The following HPSE2 variants were observed in gnomAD, a reference collection of about 807,000 sequenced individuals.
The protein encoded by HPSE2 is inactive heparanase-2.
HPSE2 carries 38 observed loss-of-function variants against 60.5 expected under a neutral mutation model. That is an observed-to-expected ratio of 0.63 (90% CI 0.48 to 0.82). HPSE2 has a LOEUF of 0.82. Among genes scored for constraint, HPSE2 ranks in the 40% least tolerant of loss-of-function variants. HPSE2 has a pLI of 0.00. For missense variants in HPSE2, 713 were observed against 740.4 expected (o/e 0.96, Z 0.43); for synonymous variants, 295 against 293.2 (o/e 1.01, Z -0.06).
intron 3 of HPSE2, among the ~76,000 whole-genome samples, chr10:98,894,217 A>T (rs1460164464): frequency 6.6e-6 from 1 of 152,210 alleles, no homozygotes; most frequent in Non-Finnish European, 1.5e-5. Flanking sequence ...TGAAAAAATC[A>T]TCTCCAAATA....
At chr10:98,982,745 T>C (rs1274400766) in intron 3 of HPSE2, among the ~76,000 whole-genome samples, 1 of 152,186 alleles carries the variant, frequency 6.6e-6, no homozygotes, top group Non-Finnish European at 1.5e-5. Flanking sequence ...GTGCTTACTG[T>C]ACTAATCTAT....
In HPSE2 at chr10:98,991,768, A is replaced by AC. The variant is rs1164008407; in HGVS notation, c.610+152469_610+152470insG. On this transcript the variant is annotated intron_variant, in intron 3 of 11. Coordinates refer to ENST00000370552, the MANE Select transcript of HPSE2 (RefSeq NM_021828.5). ...GGAGAATGCGTGGTGGACAAAAAAA[A>AC]ACAGTAAGATTGGTGGGCATCACCA... 1.2e-4 allele frequency among the ~76,000 whole-genome samples: 19 copies of AC among 152,302 alleles called. 1 individual carries two copies. The South Asian group carries it at 3.9e-3, about 32-fold the overall frequency.
At chr10:98,472,874 C>T (rs1215645811) in intron 11 of HPSE2, among the ~76,000 whole-genome samples, 9 of 152,100 alleles carry the variant, frequency 5.9e-5, no homozygotes. Flanking sequence ...TATTTCAATA[C>T]ATAGATAGCA....
rs1941960392 is a variant in HPSE2 at position 98,499,500 on chromosome 10, G to A, written c.1321-9304C>T. On this transcript the variant is annotated intron_variant, in intron 9 of 11. Coordinates refer to ENST00000370552, the MANE Select transcript of HPSE2 (RefSeq NM_021828.5). The stretch of plus-strand genomic sequence containing the variant: ...CCACCACTACAAGAACTGCTAAAAG[G>A]AGCTCTGAACTTTGAAACAAATCCT... Among the ~76,000 whole-genome samples, 6 of 152,228 alleles carry A rather than the reference G, an allele frequency of 3.9e-5. No individual in the cohort carries two copies. In the South Asian group the frequency reaches 1.2e-3, roughly 32 times the overall value.
intron 3 of HPSE2, among the ~76,000 whole-genome samples, chr10:99,089,511 A>T (rs1247657088): frequency 6.6e-6 from 1 of 152,072 alleles, no homozygotes; most frequent in African/African-American, 2.4e-5. Flanking sequence ...TGGGTTCTCT[A>T]TTCTGTTCCA....
At chr10:99,105,936 CAA>C (rs1844231480) in intron 3 of HPSE2, among the ~76,000 whole-genome samples, 1 of 152,084 alleles carries the variant, frequency 6.6e-6, no homozygotes, top group African/African-American at 2.4e-5. Flanking sequence ...GCGATTATTG[CAA>C]ACTCTTAATT....
At chr10:99,061,279 C>A (rs961494885) in intron 3 of HPSE2, among the ~76,000 whole-genome samples, 1 of 152,114 alleles carries the variant, frequency 6.6e-6, no homozygotes, top group Non-Finnish European at 1.5e-5. Context: ...TCCCAGATGA[C>A]CCAGTATGCA....
intron 3 of HPSE2, among the ~76,000 whole-genome samples, chr10:99,136,475 G>T (rs773929468): frequency 6.6e-6 from 1 of 152,066 alleles, no homozygotes; most frequent in Non-Finnish European, 1.5e-5. Context: ...GATGAACATC[G>T]ATGCGAAAAT....
intron 9 of HPSE2, among the ~76,000 whole-genome samples, chr10:98,581,520 C>T (rs1346598929): frequency 6.6e-6 from 1 of 151,988 alleles, no homozygotes; most frequent in African/African-American, 2.4e-5. Context: ...TATTAGTTAA[C>T]ATATTTGAAT....
At chr10:98,648,243 G>A (rs556987641) in intron 6 of HPSE2, among the ~76,000 whole-genome samples, 1 of 152,258 alleles carries the variant, frequency 6.6e-6, no homozygotes, top group African/African-American at 2.4e-5. Context: ...TGTGGGCAGA[G>A]GCTCAAATCA....
chr10:99,296,159 T>C, the HPSE2 span, among the ~76,000 whole-genome samples: 1 of 152,210 alleles, frequency 6.6e-6, no homozygotes. Context: ...TTCTATTAAA[T>C]ACAGGCCTCT....
chr10:98,633,856 C>G (rs1013675454), intron 7 of HPSE2, among the ~76,000 whole-genome samples: 1 of 152,136 alleles, frequency 6.6e-6, no homozygotes, highest in Non-Finnish European at 1.5e-5. Flanking sequence ...ACCTTTAAAG[C>G]CTTAGTGTGA....
rs1460155943 is a variant in HPSE2 at position 98,852,814 on chromosome 10, G to A, written c.611-108758C>T. 3.3e-5 allele frequency among the ~76,000 whole-genome samples: 5 copies of A among 152,218 alleles called. No homozygotes were observed. In the East Asian group the frequency reaches 7.7e-4, roughly 23 times the overall value. ...GCCCTATATTTTTTCTAAAAACAAC[G>A]TATAAACTAAAGGAAGAAACTGAAA... On this transcript the variant is annotated intron_variant, in intron 3 of 11. Coordinates refer to ENST00000370552, the MANE Select transcript of HPSE2 (RefSeq NM_021828.5).
upstream of HPSE2, among the ~76,000 whole-genome samples, chr10:99,240,688 A>G (rs1325866858): frequency 2.6e-5 from 4 of 152,162 alleles, no homozygotes; most frequent in African/African-American, 4.8e-5. Flanking sequence ...CTGAGATTAC[A>G]GGCGTGAGCC....
At chr10:98,678,324 T>C (rs1023608289) in intron 6 of HPSE2, among the ~76,000 whole-genome samples, 10 of 152,158 alleles carry the variant, frequency 6.6e-5, no homozygotes, top group African/African-American at 2.4e-4. Flanking sequence ...TGATGATGGA[T>C]GTATTCTGAG....
chr10:98,509,271 G>A (rs1240389171), intron 9 of HPSE2, among the ~76,000 whole-genome samples: 3 of 151,782 alleles, frequency 2.0e-5, no homozygotes, highest in Non-Finnish European at 2.9e-5. Context: ...CCAAGATCGC[G>A]CCACTGCACT....
chr10:98,714,671 T>C (rs1589692136), intron 5 of HPSE2, among the ~76,000 whole-genome samples: 2 of 151,906 alleles, frequency 1.3e-5, no homozygotes, highest in East Asian at 3.8e-4. Flanking sequence ...TGCGTACAAG[T>C]TTTTGTGTGG....
chr10:98,524,743 C>T (rs1284625437), intron 9 of HPSE2, among the ~76,000 whole-genome samples: 2 of 151,998 alleles, frequency 1.3e-5, no homozygotes, highest in Non-Finnish European at 2.9e-5. Context: ...TTGGTAAGAA[C>T]AAAATACATA....
chr10:98,599,806 A>T (rs1446671483), intron 9 of HPSE2, among the ~76,000 whole-genome samples: 1 of 152,186 alleles, frequency 6.6e-6, no homozygotes. Flanking sequence ...GTATTTTCAC[A>T]CATAATTGTT....
Sources: allele counts gnomAD v4.1 joint callset (sites outside exome capture counted in the v4.1 genomes callset), GRCh38; gene constraint gnomAD v4.1.1; transcripts MANE v1.5; gene names NCBI Gene and HGNC (gene_info 2026-07-23, HGNC 2026-07-21).